CLSTN2: variants seen among roughly 807,000 people sequenced by gnomAD.
CLSTN2 encodes the protein calsyntenin-2.
A neutral mutation model predicts 101.2 loss-of-function variants in CLSTN2; 48 were observed. The observed-to-expected ratio is 0.47, with a 90% CI of 0.38 to 0.60. The LOEUF (loss-of-function observed/expected upper bound fraction) is 0.60, where lower values mean the gene tolerates loss of function less well. Among genes scored for constraint, CLSTN2 ranks in the 20% least tolerant of loss-of-function variants. The pLI, the probability that CLSTN2 is intolerant of heterozygous loss-of-function variation, is 0.00. For missense variants in CLSTN2, 1,160 were observed against 1,238.2 expected (o/e 0.94, Z 0.95); for synonymous variants, 481 against 463.6 (o/e 1.04, Z -0.48).
At chr3:140,242,653 G>A (rs763604832) in intron 2 of CLSTN2, among the ~76,000 whole-genome samples, 3 of 152,136 alleles carry the variant, frequency 2.0e-5, no homozygotes, top group African/African-American at 4.8e-5. Context: ...CTTCTCCTGC[G>A]GGCACTTACC....
intron 1 of CLSTN2, among the ~76,000 whole-genome samples, chr3:140,145,447 T>C (rs2009767226): frequency 6.6e-6 from 1 of 152,216 alleles, no homozygotes. Context: ...TGCTGAAAGG[T>C]CCATAGCTTC....
intron 9 of CLSTN2, among the ~76,000 whole-genome samples, chr3:140,534,474 T>C (rs1045373387): frequency 6.6e-6 from 1 of 152,152 alleles, no homozygotes; most frequent in African/African-American, 2.4e-5. Flanking sequence ...CTAAAATCAA[T>C]AAGAATAAGT....
intron 1 of CLSTN2, among the ~76,000 whole-genome samples, chr3:140,048,082 G>A (rs981990845): frequency 6.6e-6 from 1 of 152,196 alleles, no homozygotes; most frequent in Non-Finnish European, 1.5e-5. Context: ...GGGGAGAAAG[G>A]AGGAGGAAGG....
intron 1 of CLSTN2, among the ~76,000 whole-genome samples, chr3:140,033,547 A>G (rs920629631): frequency 7.2e-5 from 11 of 152,346 alleles, no homozygotes; most frequent in Admixed American, 7.2e-4. Context: ...GAGCAGAGAA[A>G]TGAACACAAA....
chr3:140,123,601 T>C (rs2009379856), intron 1 of CLSTN2, among the ~76,000 whole-genome samples: 1 of 152,112 alleles, frequency 6.6e-6, no homozygotes, highest in African/African-American at 2.4e-5. Context: ...CAGGCTGCCA[T>C]AACTAAGTGC....
intron 2 of CLSTN2, among the ~76,000 whole-genome samples, chr3:140,325,202 A>G (rs968235930): frequency 2.6e-4 from 39 of 152,278 alleles, no homozygotes; most frequent in Non-Finnish European, 4.4e-5. Context: ...CTGGACAGAG[A>G]TTAAAGTTCT....
intron 1 of CLSTN2, among the ~76,000 whole-genome samples, chr3:140,068,868 C>G (rs2008344739): frequency 6.6e-6 from 1 of 152,146 alleles, no homozygotes; most frequent in East Asian, 1.9e-4. Context: ...TGATTAAGAG[C>G]CTAGGTTCTA....
intron 2 of CLSTN2, among the ~76,000 whole-genome samples, chr3:140,309,311 G>A (rs2087143049): frequency 6.6e-6 from 1 of 152,138 alleles, no homozygotes; most frequent in African/African-American, 2.4e-5. Flanking sequence ...ACCAGAGGTG[G>A]CAAGATGCTT....
chr3:140,130,243 C>A (rs1242205763), intron 1 of CLSTN2, among the ~76,000 whole-genome samples: 2 of 152,190 alleles, frequency 1.3e-5, no homozygotes, highest in African/African-American at 4.8e-5. Flanking sequence ...GAGTTGCCTC[C>A]TTTGCCTTGT....
At chr3:140,144,603 G>A (rs1453734941) in intron 1 of CLSTN2, among the ~76,000 whole-genome samples, 6 of 151,884 alleles carry the variant, frequency 4.0e-5, no homozygotes, top group Non-Finnish European at 7.4e-5. Context: ...GCATCAGAGC[G>A]AGACTTCATC....
intron 2 of CLSTN2, among the ~76,000 whole-genome samples, chr3:140,228,820 T>C (rs1290698010): frequency 6.6e-6 from 1 of 152,160 alleles, no homozygotes; most frequent in Non-Finnish European, 1.5e-5. Context: ...TGAGACTCAT[T>C]AACTATCATG....
intron 1 of CLSTN2, among the ~76,000 whole-genome samples, chr3:139,942,636 C>T (rs970566470): frequency 2.0e-5 from 3 of 152,222 alleles, no homozygotes; most frequent in Non-Finnish European, 4.4e-5. Flanking sequence ...TTCTTCCACT[C>T]TCACGGCAGG....
At chr3:140,124,711 G>A (rs1297759263) in intron 1 of CLSTN2, among the ~76,000 whole-genome samples, 1 of 152,172 alleles carries the variant, frequency 6.6e-6, no homozygotes. Flanking sequence ...CAGCCAGGTG[G>A]AGATGTCAGT....
At chr3:140,413,196 TGAAAG>T (rs1559862422) in intron 4 of CLSTN2, among the ~76,000 whole-genome samples, 1 of 151,718 alleles carries the variant, frequency 6.6e-6, no homozygotes, top group Non-Finnish European at 1.5e-5. Flanking sequence ...AAATCAGAAA[TGAAAG>T]AGAAGACATT....
At chr3:139,990,225 C>G (rs1254052694) in intron 1 of CLSTN2, among the ~76,000 whole-genome samples, 1 of 152,106 alleles carries the variant, frequency 6.6e-6, no homozygotes, top group African/African-American at 2.4e-5. Context: ...GAAAATTGCA[C>G]CTGAATGTCA....
At chr3:140,063,303 C>A (rs560211072) in intron 1 of CLSTN2, among the ~76,000 whole-genome samples, 1 of 152,328 alleles carries the variant, frequency 6.6e-6, no homozygotes, top group East Asian at 1.9e-4. Flanking sequence ...CAGTAGTGAA[C>A]CCTGGGCTAG....
intron 8 of CLSTN2, among the ~76,000 whole-genome samples, chr3:140,531,576 G>A (rs947668050): frequency 2.0e-5 from 3 of 152,116 alleles, no homozygotes; most frequent in Admixed American, 2.0e-4. Context: ...GGGGGGATTA[G>A]AGGGAGCGTG....
At chr3:140,283,808 G>A (rs139126998) in intron 2 of CLSTN2, among the ~76,000 whole-genome samples, 124 of 152,188 alleles carry the variant, frequency 8.1e-4, no homozygotes, top group Middle Eastern at 3.4e-3. Flanking sequence ...AATGTTCTCT[G>A]CTCAATCAGT....
intron 1 of CLSTN2, among the ~76,000 whole-genome samples, chr3:139,981,060 T>C (rs1441619413): frequency 1.3e-5 from 2 of 152,052 alleles, no homozygotes; most frequent in African/African-American, 2.4e-5. Context: ...GTGGGTTTGA[T>C]TGGGCAATCA....
Sources: gnomAD v4.1 joint callset for allele counts (sites outside exome capture counted in the v4.1 genomes callset) on GRCh38, gnomAD v4.1.1 for gene constraint, MANE v1.5 for transcripts, NCBI Gene and HGNC (gene_info 2026-07-23, HGNC 2026-07-21) for gene names.